Variants in RIMS1 observed in about 807,000 individuals in gnomAD.
RIMS1 encodes the protein regulating synaptic membrane exocytosis protein 1.
Under a neutral mutation model 214.1 loss-of-function variants are expected in RIMS1, and 83 were observed. The observed-to-expected ratio is 0.39, with a 90% confidence interval of 0.32 to 0.47. RIMS1 has a LOEUF of 0.47. RIMS1 is among the 20% of genes least tolerant of loss of function. The pLI is 0.99. For missense variants in RIMS1, 2,050 were observed against 2,161.8 expected (o/e 0.95, Z 1.03); for synonymous variants, 793 against 786.8 (o/e 1.01, Z -0.13).
At chr6:71,907,299 T>A (rs1034988743) in intron 1 of RIMS1, among the ~76,000 whole-genome samples, 1 of 152,122 alleles carries the variant, frequency 6.6e-6, no homozygotes, top group African/African-American at 2.4e-5. Flanking sequence ...CTGTCTTCAA[T>A]GGAAAAAAAT....
At chr6:72,120,863 C>T (rs1312347058) in intron 4 of RIMS1, among the ~76,000 whole-genome samples, 1 of 151,916 alleles carries the variant, frequency 6.6e-6, no homozygotes, top group Non-Finnish European at 1.5e-5. Flanking sequence ...TAACAGCTTT[C>T]TACATATAGC....
intron 29 of RIMS1, among the ~76,000 whole-genome samples, chr6:72,369,897 G>A (rs545522364): frequency 3.0e-4 from 45 of 152,266 alleles, no homozygotes; most frequent in African/African-American, 9.9e-4. Flanking sequence ...ATACCACCCT[G>A]GGAGTTATCC....
chr6:72,319,650 C>A (rs999750206), intron 28 of RIMS1, among the ~76,000 whole-genome samples: 1 of 151,988 alleles, frequency 6.6e-6, no homozygotes, highest in Non-Finnish European at 1.5e-5. Context: ...TGTACAACTT[C>A]TTTAGACCTT....
chr6:72,038,251 A>T (rs1820504170), intron 2 of RIMS1, among the ~76,000 whole-genome samples: 1 of 150,258 alleles, frequency 6.7e-6, no homozygotes, highest in African/African-American at 2.4e-5. Flanking sequence ...AAACCCAGAT[A>T]TATTAACCAC....
intron 29 of RIMS1, among the ~76,000 whole-genome samples, chr6:72,386,377 A>G (rs2098601738): frequency 6.6e-6 from 1 of 152,230 alleles, no homozygotes; most frequent in Non-Finnish European, 1.5e-5. Context: ...AGCAACACAC[A>G]GAGCCTGAGA....
intron 4 of RIMS1, among the ~76,000 whole-genome samples, chr6:72,132,743 G>A (rs113579167): frequency 0.011 from 1,695 of 152,152 alleles, 10 homozygotes; most frequent in Non-Finnish European, 0.017. Flanking sequence ...AATTTCTTGG[G>A]CCCGCCCCAA....
chr6:72,019,892 A>G (rs1217742580), intron 2 of RIMS1, among the ~76,000 whole-genome samples: 1 of 152,144 alleles, frequency 6.6e-6, no homozygotes, highest in East Asian at 1.9e-4. Flanking sequence ...CTAATGTGGT[A>G]TTCACCATTG....
chr6:72,143,561 T>A (rs571432990), intron 4 of RIMS1, among the ~76,000 whole-genome samples: 2 of 152,270 alleles, frequency 1.3e-5, no homozygotes, highest in East Asian at 3.9e-4. Flanking sequence ...ATGTGTGCAG[T>A]ATTTCACAGC....
At chr6:72,251,517 C>T in intron 15 of RIMS1, 149 bp downstream of exon 15, 1 of 663,312 alleles carries the variant, frequency 1.5e-6, no homozygotes, top group Non-Finnish European at 2.4e-6. Context: ...CTTGGCAAAA[C>T]TGTTTCTACA....
At chr6:72,151,358 A>G (rs2043556827) in intron 4 of RIMS1, among the ~76,000 whole-genome samples, 1 of 152,182 alleles carries the variant, frequency 6.6e-6, no homozygotes, top group Non-Finnish European at 1.5e-5. Context: ...TTCTATTTTA[A>G]TGGAAAACGT....
At chr6:72,348,442 C>G (rs897013803) in intron 29 of RIMS1, among the ~76,000 whole-genome samples, 1 of 151,850 alleles carries the variant, frequency 6.6e-6, no homozygotes, top group Non-Finnish European at 1.5e-5. Flanking sequence ...CTTTTCCTTT[C>G]TTTCTCTTCT....
Position 71,890,596 on chromosome 6 carries a change from A to AAAAAAAAAAAC in RIMS1, c.164+3410_164+3411insAAAAAAAAACA, listed in dbSNP as rs1554194854. On this transcript the variant is annotated intron_variant, in intron 1 of 33. Transcript: ENST00000521978. The stretch of plus-strand genomic sequence containing the variant: ...AAAAAAAAAAAAAAAAAAAAAAAAA[A>AAAAAAAAAAAC]ACTTCATAGAGAAAGCAGCTACTGA... Among the ~76,000 whole-genome samples, 461 of 112,890 alleles carry AAAAAAAAAAAC rather than the reference A, an allele frequency of 4.1e-3. 85 individuals are homozygous for AAAAAAAAAAAC. Among genetic ancestry groups the AAAAAAAAAAAC allele is most frequent in the Non-Finnish European group, 6.0e-3 (340 of 56,238 alleles). The allele number at this position is 112,890 out of a possible 152,430, so 74.1% of individuals were successfully genotyped here.
chr6:72,200,288 G>A (rs974104507), intron 6 of RIMS1, among the ~76,000 whole-genome samples: 2 of 152,052 alleles, frequency 1.3e-5, no homozygotes, highest in African/African-American at 4.8e-5. Context: ...GCACTTACCA[G>A]GTTTGGGGAG....
In RIMS1 at chr6:72,221,796, TTACTA is replaced by T. The variant is rs538587495; in HGVS notation, c.1679-11974_1679-11970del. 1.4e-3 allele frequency among the ~76,000 whole-genome samples: 216 copies of T among 152,132 alleles called. 2 individuals carry two copies. Among genetic ancestry groups the T allele is most frequent in the African/African-American group, 4.7e-3 (196 of 41,558 alleles). On this transcript the variant is annotated intron_variant, in intron 6 of 33. Transcript: ENST00000521978. ...TTTCTTAATACTGAGATTATTATAA[TTACTA>T]TAATTTGGTATTTCTCATGGATTCT...
At position 72,250,976 on chromosome 6, in the gene RIMS1, A is replaced by C; in HGVS notation, c.2428A>C (p.Asn810His). 1 of 1,550,228 alleles carries C rather than the reference A, an allele frequency of 6.5e-7. No individual in the cohort carries two copies. Among genetic ancestry groups the C allele is most frequent in the Non-Finnish European group, 8.7e-7 (1 of 1,147,060 alleles). ...TVKKILEPKW[N>H]QTFVYSHVHR... ...AAAGAAAATACTAGAACCAAAATGG[A>C]ATCAAACTTTTGTCTATTCACATGT... Residue 810 changes from asparagine (N) to histidine (H), a missense_variant, in exon 14 of 34, where the codon AAT (asparagine) becomes CAT (histidine). Asn to His is a moderately conservative substitution (Grantham distance 68, BLOSUM62 1). Coordinates refer to ENST00000521978, the MANE Select transcript of RIMS1 (RefSeq NM_014989.7).
At chr6:72,144,705 A>G (rs1252454793) in intron 4 of RIMS1, among the ~76,000 whole-genome samples, 1 of 151,948 alleles carries the variant, frequency 6.6e-6, no homozygotes. Flanking sequence ...GCCCAGAATT[A>G]GAATATTGAT....
chr6:72,147,965 C>A (rs1039364992), intron 4 of RIMS1, among the ~76,000 whole-genome samples: 1 of 152,190 alleles, frequency 6.6e-6, no homozygotes, highest in Admixed American at 6.5e-5. Flanking sequence ...CATTCCCCTA[C>A]ACTGTGGAGC....
intron 6 of RIMS1, among the ~76,000 whole-genome samples, chr6:72,226,554 T>TA (rs1269952786): frequency 4.6e-5 from 7 of 152,098 alleles, no homozygotes; most frequent in Admixed American, 1.3e-4. Context: ...GAATATAAAC[T>TA]AAAAAAATGA....
chr6:72,218,007 C>T (rs1255543542), intron 6 of RIMS1, among the ~76,000 whole-genome samples: 1 of 151,728 alleles, frequency 6.6e-6, no homozygotes, highest in Non-Finnish European at 1.5e-5. Flanking sequence ...TGCTCAAGAT[C>T]ATCTATTGAT....
Sources: allele counts gnomAD v4.1 joint callset (sites outside exome capture counted in the v4.1 genomes callset), GRCh38; gene constraint gnomAD v4.1.1; transcripts MANE v1.5; gene names NCBI Gene and HGNC (gene_info 2026-07-23, HGNC 2026-07-21).